Variants in CTNNA2 observed in about 807,000 individuals in gnomAD.
CTNNA2 encodes the protein catenin alpha-2.
A neutral mutation model predicts 101.0 loss-of-function variants in CTNNA2; 42 were observed. That is an observed-to-expected ratio of 0.42 (90% CI 0.32 to 0.54). The LOEUF is 0.54. Ranked by LOEUF, CTNNA2 falls within the 20% of genes least tolerant of loss-of-function variation. CTNNA2 has a pLI of 0.14. For missense variants in CTNNA2, 871 were observed against 1,223.1 expected (o/e 0.71, Z 4.29); for synonymous variants, 450 against 456.4 (o/e 0.99, Z 0.18).
chr2:79,620,256 C>T (rs907009638), intron 1 of CTNNA2, among the ~76,000 whole-genome samples: 3 of 152,210 alleles, frequency 2.0e-5, no homozygotes, highest in African/African-American at 4.8e-5. Context: ...CTTCCCTGTA[C>T]ATTCGCCTGT....
chr2:79,497,490 A>G (rs1382784820), intron 4 of CTNNA2, among the ~76,000 whole-genome samples: 2 of 152,048 alleles, frequency 1.3e-5, no homozygotes, highest in Non-Finnish European at 2.9e-5. Flanking sequence ...TTATTTCTCT[A>G]TCCCTTCCAG....
intron 7 of CTNNA2, among the ~76,000 whole-genome samples, chr2:80,381,612 C>T (rs1279498644): frequency 2.6e-5 from 4 of 152,166 alleles, no homozygotes; most frequent in Non-Finnish European, 5.9e-5. Flanking sequence ...GCAGGCAAAA[C>T]AGCCCTGGCT....
intron 7 of CTNNA2, among the ~76,000 whole-genome samples, chr2:80,351,873 G>C (rs1673333460): frequency 6.6e-6 from 1 of 152,044 alleles, no homozygotes; most frequent in Non-Finnish European, 1.5e-5. Context: ...CCATGTGCTA[G>C]TTACTTGCTT....
rs1459485362 is a variant in CTNNA2 at position 80,305,255 on chromosome 2, CTT to C, written c.1057-87954_1057-87953del. 4.1e-6 allele frequency: 4 copies of C among 985,126 alleles called. No individual in the cohort carries two copies. In the African/African-American group the frequency reaches 7.0e-5, roughly 17 times the overall value. The allele number at this position is 985,126 out of a possible 1,614,324, so 61.0% of individuals were successfully genotyped here. ...TTTTTTGAGGTGGAGAGGGGAAATG[CTT>C]TCCAAACCCACCTAGTTTGGGAAGC... On this transcript the variant is annotated intron_variant, in intron 7 of 18. Coordinates refer to ENST00000402739, the MANE Select transcript of CTNNA2 (RefSeq NM_001282597.3).
At chr2:79,316,470 G>A (rs1373335757) in intron 3 of CTNNA2, among the ~76,000 whole-genome samples, 1 of 151,974 alleles carries the variant, frequency 6.6e-6, no homozygotes, top group Non-Finnish European at 1.5e-5. Context: ...TTCCGAAATG[G>A]AAGCTAAGAT....
At chr2:79,349,884 C>A (rs1348879170) in intron 3 of CTNNA2, among the ~76,000 whole-genome samples, 1 of 151,578 alleles carries the variant, frequency 6.6e-6, no homozygotes, top group African/African-American at 2.4e-5. Context: ...AAATTGAGGT[C>A]AAGTTACGGT....
intron 7 of CTNNA2, among the ~76,000 whole-genome samples, chr2:79,980,979 T>C (rs1392706222): frequency 6.6e-6 from 1 of 152,144 alleles, no homozygotes; most frequent in East Asian, 1.9e-4. Context: ...CTGAATGGGC[T>C]CACTTGTTTT....
intron 4 of CTNNA2, among the ~76,000 whole-genome samples, chr2:79,409,055 G>A (rs1471780178): frequency 5.3e-5 from 8 of 152,022 alleles, no homozygotes; most frequent in Non-Finnish European, 8.8e-5. Flanking sequence ...GTCAGTGATG[G>A]TGAGCATTTT....
chr2:79,559,604 G>A (rs1214589752), intron 1 of CTNNA2, among the ~76,000 whole-genome samples: 1 of 151,924 alleles, frequency 6.6e-6, no homozygotes, highest in Non-Finnish European at 1.5e-5. Context: ...TGAAGATGGT[G>A]ATATCATCAG....
intron 2 of CTNNA2, among the ~76,000 whole-genome samples, chr2:79,665,706 G>A (rs755366899): frequency 6.6e-6 from 1 of 152,178 alleles, no homozygotes; most frequent in Non-Finnish European, 1.5e-5. Context: ...GTAATTTTGT[G>A]CTTTATAATT....
chr2:80,395,669 C>G (rs1261436180), intron 8 of CTNNA2, among the ~76,000 whole-genome samples: 1 of 152,150 alleles, frequency 6.6e-6, no homozygotes, highest in Non-Finnish European at 1.5e-5. Context: ...TCTGATAGCC[C>G]CTCCACAATA....
intron 4 of CTNNA2, among the ~76,000 whole-genome samples, chr2:79,374,201 C>G: frequency 6.6e-6 from 1 of 152,108 alleles, no homozygotes; most frequent in East Asian, 1.9e-4. Context: ...ATTACTTGTT[C>G]AAGTAGTAAA....
At chr2:80,286,867 C>T (rs192729829) in intron 7 of CTNNA2, among the ~76,000 whole-genome samples, 1 of 152,256 alleles carries the variant, frequency 6.6e-6, no homozygotes, top group East Asian at 1.9e-4. Context: ...GGTATGTAAA[C>T]CCTTTGAGAG....
chr2:79,408,428 A>G lies in CTNNA2; in HGVS notation c.-135+34415A>G, dbSNP rs561605202. On this transcript the variant is annotated intron_variant, in intron 4 of 21. Coordinates refer to the CTNNA2 transcript ENST00000466387. ...ATTAACTCGTCATTTAGCATTAGGT[A>G]TATCTCCTAATGCTATCCCTCCCCC... 1.6e-3 allele frequency among the ~76,000 whole-genome samples: 235 copies of G among 149,084 alleles called. 2 individuals are homozygous for G. The highest frequency in any genetic ancestry group is 5.6e-3 in the African/African-American group (230 of 40,826).
chr2:80,613,500 CTGTT>C (rs1389236128), intron 17 of CTNNA2, among the ~76,000 whole-genome samples: 1 of 151,272 alleles, frequency 6.6e-6, no homozygotes, highest in African/African-American at 2.4e-5. Flanking sequence ...GCACCTGTGT[CTGTT>C]CTCTGAATTC....
At chr2:79,297,868 C>T (rs72917249) in intron 2 of CTNNA2, among the ~76,000 whole-genome samples, 12,226 of 152,084 alleles carry the variant, frequency 0.08, 517 homozygotes, top group African/African-American at 0.089. Context: ...GCAGATTATC[C>T]ACACTCATTG....
At chr2:79,325,205 T>TG (rs1169122442) in intron 3 of CTNNA2, among the ~76,000 whole-genome samples, 4 of 152,176 alleles carry the variant, frequency 2.6e-5, no homozygotes. Context: ...GGTATATCAA[T>TG]GGGGGGAAAA....
chr2:79,486,122 G>A (rs937300471), intron 4 of CTNNA2, among the ~76,000 whole-genome samples: 11 of 151,898 alleles, frequency 7.2e-5, no homozygotes, highest in South Asian at 6.3e-4. Context: ...TGTGCACAAC[G>A]TGCAGGTTTG....
At chr2:80,639,869 G>T (rs1281115221) in intron 18 of CTNNA2, among the ~76,000 whole-genome samples, 2 of 152,044 alleles carry the variant, frequency 1.3e-5, no homozygotes, top group Non-Finnish European at 2.9e-5. Context: ...TTGGGAGGTC[G>T]AGGTGGGCAG....
Sources: allele counts gnomAD v4.1 joint callset (sites outside exome capture counted in the v4.1 genomes callset), GRCh38; gene constraint gnomAD v4.1.1; transcripts MANE v1.5; gene names NCBI Gene and HGNC (gene_info 2026-07-23, HGNC 2026-07-21).